ADAM32: variants seen among roughly 807,000 people sequenced by gnomAD.
ADAM32 encodes disintegrin and metalloproteinase domain-containing protein 32.
Under a neutral mutation model 114.9 loss-of-function variants are expected in ADAM32, and 89 were observed. The observed-to-expected ratio is 0.77, with a 90% confidence interval of 0.65 to 0.92. ADAM32 has a LOEUF of 0.92. ADAM32 is among the 40% of genes least tolerant of loss of function. The pLI, the probability that ADAM32 is intolerant of heterozygous loss-of-function variation, is 0.00. For synonymous variants in ADAM32, 285 were observed against 307.5 expected (o/e 0.93, Z 0.77); for missense variants, 870 against 932.8 (o/e 0.93, Z 0.88).
In ADAM32 at chr8:39,280,972, C is replaced by T. The variant is rs199931803; in HGVS notation, c.2280-164C>T. ...TAATTTTTTGTATTTTTAGTAGAGACGGGGTTTCATCGTATTAGCCAGGAT... is the reference window on the plus strand; with the variant it reads ...TAATTTTTTGTATTTTTAGTAGAGATGGGGTTTCATCGTATTAGCCAGGAT... On this transcript the variant is annotated intron_variant, in intron 22 of 24. Coordinates refer to ENST00000379907, the MANE Select transcript of ADAM32 (RefSeq NM_145004.7). 4.6e-5 allele frequency among the ~76,000 whole-genome samples: 7 copies of T among 151,710 alleles called. 1 individual carries two copies. The South Asian group carries it at 6.2e-4, about 14-fold the overall frequency.
At chr8:39,256,511 C>T (rs1460042642) in intron 18 of ADAM32, among the ~76,000 whole-genome samples, 1 of 152,020 alleles carries the variant, frequency 6.6e-6, no homozygotes, top group Admixed American at 6.6e-5. Context: ...GCTTCCATTT[C>T]TGTCATTAAT....
intron 1 of ADAM32, 86 bp from the exon 2 acceptor site, chr8:39,118,000 C>T: frequency 1.1e-6 from 1 of 899,942 alleles, no homozygotes; most frequent in Non-Finnish European, 1.6e-6. Context: ...CATACCTGCA[C>T]AAGTAAACTT....
chr8:39,160,425 A>C (rs1804426137), intron 6 of ADAM32, among the ~76,000 whole-genome samples: 1 of 151,666 alleles, frequency 6.6e-6, no homozygotes, highest in South Asian at 2.1e-4. Flanking sequence ...CTGTAGTCCC[A>C]GCTACTCCGG....
intron 10 of ADAM32, among the ~76,000 whole-genome samples, chr8:39,185,574 G>A (rs992576863): frequency 1.3e-5 from 2 of 152,066 alleles, no homozygotes; most frequent in African/African-American, 4.8e-5. Context: ...TGCCAGGAAA[G>A]CTCTAGTATT....
At chr8:39,153,212 A>G (rs545977330) in intron 6 of ADAM32, among the ~76,000 whole-genome samples, 1 of 152,372 alleles carries the variant, frequency 6.6e-6, no homozygotes, top group South Asian at 2.1e-4. Context: ...AGAGTTTTCA[A>G]TGCTAGCAAA....
chr8:39,181,554 T>G (rs1028082244), intron 10 of ADAM32, among the ~76,000 whole-genome samples: 2 of 152,176 alleles, frequency 1.3e-5, no homozygotes, highest in Non-Finnish European at 2.9e-5. Context: ...TGATTGATAA[T>G]TGGGCTAGGT....
intron 2 of ADAM32, among the ~76,000 whole-genome samples, chr8:39,135,539 T>G (rs1187250593): frequency 6.6e-6 from 1 of 152,202 alleles, no homozygotes; most frequent in Non-Finnish European, 1.5e-5. Flanking sequence ...ATACAAGAAA[T>G]TAGTATTGAT....
intron 11 of ADAM32, among the ~76,000 whole-genome samples, chr8:39,208,688 C>T (rs923613085): frequency 6.6e-6 from 1 of 152,060 alleles, no homozygotes; most frequent in African/African-American, 2.4e-5. Flanking sequence ...AAAGTTTTTT[C>T]CTTCAGGACT....
chr8:39,130,956 C>CTTCTT (rs1802411563), intron 2 of ADAM32: 1 of 284,504 alleles, frequency 3.5e-6, no homozygotes, highest in African/African-American at 2.7e-5. Context: ...AGGAGGATGT[C>CTTCTT]TTTTTTTTTT....
intron 19 of ADAM32, among the ~76,000 whole-genome samples, chr8:39,257,878 G>A (rs1415895546): frequency 2.0e-5 from 3 of 152,004 alleles, no homozygotes; most frequent in Admixed American, 6.6e-5. Context: ...GAAATAAACA[G>A]ATATTAATAT....
chr8:39,201,433 A>G (rs4526328), intron 11 of ADAM32, among the ~76,000 whole-genome samples: 35,073 of 147,946 alleles, frequency 0.24, 4,696 homozygotes, highest in Non-Finnish European at 0.28. Context: ...CTGTTTGTCT[A>G]TCATTGGTAT....
chr8:39,161,846 T>G (rs1380482636), intron 7 of ADAM32, among the ~76,000 whole-genome samples: 2 of 152,038 alleles, frequency 1.3e-5, no homozygotes, highest in Non-Finnish European at 2.9e-5. Flanking sequence ...TTGAGATAGT[T>G]GAGAGAAAAT....
At chr8:39,172,011 T>C (rs1195262087) in intron 10 of ADAM32, among the ~76,000 whole-genome samples, 2 of 151,212 alleles carry the variant, frequency 1.3e-5, no homozygotes, top group Non-Finnish European at 2.9e-5. Flanking sequence ...AAGAATTAAA[T>C]AAATAAACAG....
intron 2 of ADAM32, among the ~76,000 whole-genome samples, chr8:39,136,363 G>A (rs1309813329): frequency 6.6e-6 from 1 of 152,158 alleles, no homozygotes; most frequent in Admixed American, 6.5e-5. Context: ...AGGTATTTTA[G>A]TGTAGCACGT....
chr8:39,169,763 C>A, intron 9 of ADAM32, 153 bp from the exon 10 acceptor site: 1 of 512,348 alleles, frequency 2.0e-6, no homozygotes, highest in South Asian at 3.8e-5. Flanking sequence ...AATAATATTC[C>A]AAATTTGAAA....
chr8:39,267,461 C>T (rs1224343535), intron 19 of ADAM32, among the ~76,000 whole-genome samples: 1 of 151,998 alleles, frequency 6.6e-6, no homozygotes, highest in African/African-American at 2.4e-5. Flanking sequence ...TATGAATATA[C>T]CTTAATTTTT....
chr8:39,228,920 A>G (rs1016674328), intron 14 of ADAM32, among the ~76,000 whole-genome samples: 1 of 152,222 alleles, frequency 6.6e-6, no homozygotes, highest in South Asian at 2.1e-4. Flanking sequence ...GAATCTTAAG[A>G]GCTGTGAGAC....
chr8:39,255,421 C>G (rs1811593767), intron 18 of ADAM32, among the ~76,000 whole-genome samples: 1 of 152,014 alleles, frequency 6.6e-6, no homozygotes. Context: ...TATGACCATT[C>G]TTGCAGGAGT....
rs181965683 is a variant in ADAM32 at position 39,164,835 on chromosome 8, A to G, written c.666A>G (p.Ser222=). The G allele has an allele frequency of 1.2e-6, 2 of 1,603,210 alleles. No individual in the cohort carries two copies. Among genetic ancestry groups the G allele is most frequent in the African/African-American group, 2.7e-5 (2 of 74,822 alleles). Residue 222 remains serine (S), a splice_region_variant and synonymous_variant, in exon 8 of 25, where the codon TCA becomes TCG. Transcript: ENST00000379907. ...TCGAAATTGTTGGCCTTGCAAATTC[A>G]GTAAGTGTTTTCCTTTTCATATTAA... ...KVIEIVGLAN[S]MFTQFKVTIV...
Sources: gnomAD v4.1 joint callset for allele counts (sites outside exome capture counted in the v4.1 genomes callset) on GRCh38, gnomAD v4.1.1 for gene constraint, MANE v1.5 for transcripts, NCBI Gene and HGNC (gene_info 2026-07-23, HGNC 2026-07-21) for gene names.